PARP4: variants seen among roughly 807,000 people sequenced by gnomAD.
The protein encoded by PARP4 is poly(ADP-ribose) polymerase family member 4.
A neutral mutation model predicts 187.7 loss-of-function variants in PARP4; 120 were observed. The ratio of observed to expected loss-of-function variants is 0.64; its 90% confidence interval spans 0.55 to 0.74. PARP4 has a LOEUF of 0.74. Ranked by LOEUF, PARP4 falls within the 30% of genes least tolerant of loss-of-function variation. PARP4 has a pLI of 0.00. For synonymous variants in PARP4, 654 were observed against 740.9 expected (o/e 0.88, Z 1.90); for missense variants, 1,836 against 2,070.5 (o/e 0.89, Z 2.20).
rs756633561 is a variant in PARP4, at chr13:24,460,136, C to T, written c.2134G>A (p.Asp712Asn). 2.3e-5 allele frequency: 37 copies of T among 1,611,360 alleles called. No homozygotes were observed. The highest frequency in any genetic ancestry group is 6.7e-5 in the Admixed American group (4 of 59,466). The stretch of plus-strand genomic sequence containing the variant: ...TTTCCAACACTTACAGTAAAAACGT[C>T]CTGAAACAGAAACATATGACTTAGC... ...GAYLMSQDAP[D>N]VFTVSVGNLP... Residue 712 changes from aspartate (D) to asparagine (N), a missense_variant and splice_region_variant, in exon 18 of 34, where the codon GAC becomes AAC. Physicochemically the swap from Asp to Asn is conservative, Grantham distance 23 (BLOSUM62 1). Coordinates refer to ENST00000381989, the MANE Select transcript of PARP4 (RefSeq NM_006437.4).
At position 24,492,544 on chromosome 13, in the gene PARP4, A is replaced by G; in HGVS notation, c.930T>C (p.Asn310=). 6.2e-7 allele frequency: 1 copy of G among 1,613,972 alleles called. No individual in the cohort carries two copies. Among genetic ancestry groups the G allele is most frequent in the Non-Finnish European group, 8.5e-7 (1 of 1,179,942 alleles). The change falls in exon 9 of 34, where the codon AAT becomes AAC. Residue 310 remains asparagine, a synonymous_variant. Transcript: ENST00000381989. The part of the protein sequence containing the change: ...ILLLVKAALK[N]GETAEQLQKM... ...TTTGCAATTGCTCTGCTGTTTCTCCATTTTTCAGTGCTGCCTTTACTAGAA... is the reference window on the plus strand; with the variant it reads ...TTTGCAATTGCTCTGCTGTTTCTCCGTTTTTCAGTGCTGCCTTTACTAGAA...
At chr13:24,449,632 GA>G (rs1280477649) in intron 25 of PARP4, 85 bp downstream of exon 25, 2 of 793,878 alleles carry the variant, frequency 2.5e-6, no homozygotes, top group Non-Finnish European at 4.2e-6. Flanking sequence ...CTCATTCAAG[GA>G]AACACAGATA....
intron 1 of PARP4, 66 bp from the exon 2 acceptor site, chr13:24,503,843 A>T (rs550211059): frequency 2.1e-6 from 3 of 1,409,364 alleles, no homozygotes; most frequent in South Asian, 1.2e-5. Context: ...TAGAATTATT[A>T]TACAAGCAAA....
At chr13:24,464,431 T>C (rs1198971409) in intron 17 of PARP4, among the ~76,000 whole-genome samples, 1 of 152,176 alleles carries the variant, frequency 6.6e-6, no homozygotes, top group African/African-American at 2.4e-5. Flanking sequence ...AACAGCATGG[T>C]ACTGGTACAA....
chr13:24,453,204 G>A (rs1871622501), intron 23 of PARP4, among the ~76,000 whole-genome samples: 1 of 151,826 alleles, frequency 6.6e-6, no homozygotes, highest in African/African-American at 2.4e-5. Context: ...CCAAAGTGCT[G>A]AGATTACAGG....
intron 17 of PARP4, among the ~76,000 whole-genome samples, chr13:24,465,983 A>G (rs4770687): frequency 0.42 from 64,114 of 151,678 alleles, 13,745 homozygotes; most frequent in East Asian, 0.6. Flanking sequence ...ACAGATGTAT[A>G]TAGTAGTAAA....
intron 33 of PARP4, among the ~76,000 whole-genome samples, chr13:24,424,673 CTT>C (rs1241681310): frequency 3.1e-5 from 4 of 129,036 alleles, no homozygotes; most frequent in Admixed American, 8.0e-5. Flanking sequence ...AAATTATGTA[CTT>C]TTTTTTTTTT....
intron 33 of PARP4, among the ~76,000 whole-genome samples, chr13:24,425,805 G>A (rs1392404037): frequency 6.6e-6 from 1 of 152,000 alleles, no homozygotes; most frequent in Non-Finnish European, 1.5e-5. Context: ...GAACAGTGTT[G>A]CCATCTCACT....
At chr13:24,466,807 A>C (rs887842133) in intron 17 of PARP4, among the ~76,000 whole-genome samples, 3 of 151,574 alleles carry the variant, frequency 2.0e-5, no homozygotes, top group African/African-American at 7.3e-5. Context: ...AAAAAAAAAA[A>C]AAAAAAGATA....
chr13:24,486,464 T>A (rs981109693), intron 10 of PARP4, among the ~76,000 whole-genome samples, 159 bp from the exon 11 acceptor site: 1 of 152,198 alleles, frequency 6.6e-6, no homozygotes, highest in Non-Finnish European at 1.5e-5. Context: ...TATGTAGGTA[T>A]TAAAATAACC....
At chr13:24,502,325 G>A (rs1210179407) in intron 2 of PARP4, among the ~76,000 whole-genome samples, 1 of 152,104 alleles carries the variant, frequency 6.6e-6, no homozygotes, top group Non-Finnish European at 1.5e-5. Context: ...GAGCCAACAT[G>A]CCCGCTTATA....
chr13:24,445,913 T>G (rs113802422), intron 27 of PARP4, among the ~76,000 whole-genome samples: 6 of 152,250 alleles, frequency 3.9e-5, no homozygotes, highest in African/African-American at 1.4e-4. Context: ...GCGGCCAGTG[T>G]CAGAATTGAA....
chr13:24,486,368 T>C, intron 10 of PARP4, 63 bp from the exon 11 acceptor site: 2 of 1,112,782 alleles, frequency 1.8e-6, no homozygotes, highest in Non-Finnish European at 2.7e-6. Flanking sequence ...AAAGTCATTA[T>C]AGCAGAAGAA....
intron 1 of PARP4, among the ~76,000 whole-genome samples, chr13:24,507,269 C>T (rs1348286898): frequency 3.3e-5 from 5 of 152,230 alleles, no homozygotes; most frequent in Admixed American, 3.3e-4. Context: ...GCTCCTCAAG[C>T]GTAGCCAGAG....
intron 14 of PARP4, among the ~76,000 whole-genome samples, chr13:24,477,172 T>C (rs548205014): frequency 1.3e-5 from 2 of 152,330 alleles, no homozygotes; most frequent in African/African-American, 4.8e-5. Context: ...CTAGTTGTTA[T>C]GTACGCAAGA....
intron 12 of PARP4, among the ~76,000 whole-genome samples, chr13:24,482,850 C>CT (rs1873349867): frequency 6.6e-6 from 1 of 152,180 alleles, no homozygotes; most frequent in African/African-American, 2.4e-5. Context: ...TTTTCATCCA[C>CT]TAAGGTCCTA....
intron 15 of PARP4, among the ~76,000 whole-genome samples, chr13:24,471,846 G>GTCCT (rs777639446): frequency 1.3e-5 from 2 of 152,102 alleles, no homozygotes; most frequent in Non-Finnish European, 2.9e-5. Flanking sequence ...AATGCCCTAA[G>GTCCT]TCCTTTATAT....
chr13:24,497,099 A>G (rs543880122), intron 6 of PARP4, among the ~76,000 whole-genome samples: 1 of 152,324 alleles, frequency 6.6e-6, no homozygotes, highest in Non-Finnish European at 1.5e-5. Context: ...TGGGTGTTGC[A>G]GCATTTTATT....
chr13:24,509,254 C>T (rs1395599684), intron 1 of PARP4, among the ~76,000 whole-genome samples: 2 of 152,076 alleles, frequency 1.3e-5, no homozygotes, highest in Non-Finnish European at 1.5e-5. Context: ...TGCCTGTAAC[C>T]CTAGCACTTT....
Sources: allele counts gnomAD v4.1 joint callset (sites outside exome capture counted in the v4.1 genomes callset), GRCh38; gene constraint gnomAD v4.1.1; transcripts MANE v1.5; gene names NCBI Gene and HGNC (gene_info 2026-07-23, HGNC 2026-07-21).